The following FRMD4B variants were observed in gnomAD, a reference collection of about 807,000 sequenced individuals.
FRMD4B encodes FERM domain containing 4B, also known as FERM domain-containing protein 4B.
In FRMD4B, 74 loss-of-function variants were observed where a neutral mutation model predicts 141.5. That is an observed-to-expected ratio of 0.52 (90% CI 0.43 to 0.63). The LOEUF is 0.63. Among genes scored for constraint, FRMD4B ranks in the 30% least tolerant of loss-of-function variants. FRMD4B has a pLI of 0.00. For synonymous variants in FRMD4B, 506 were observed against 467.9 expected, an observed-to-expected ratio of 1.08 and a Z score of -1.05; for missense variants, 1,366 against 1,253.4, an observed-to-expected ratio of 1.09 and a Z score of -1.36.
At chr3:69,262,434 C>T (rs952103171) in intron 5 of FRMD4B, among the ~76,000 whole-genome samples, 1 of 142,286 alleles carries the variant, frequency 7.0e-6, no homozygotes, top group Non-Finnish European at 1.5e-5. Flanking sequence ...TTGTAATAAT[C>T]AAATACTGCA....
rs1300055565 is a variant in FRMD4B, at chr3:69,495,900, T to C, written c.-129+46306A>G. ...ATTTACTAGTAATTCACTAAACAGA[T>C]TTCCCTAATTAAAACCACTCAAACC... On this transcript the variant is annotated intron_variant, in intron 1 of 5. Transcript: ENST00000459638. 2.0e-5 allele frequency among the ~76,000 whole-genome samples: 3 copies of C among 152,306 alleles called. No individual in the cohort carries two copies. In the East Asian group the frequency reaches 5.8e-4, roughly 29 times the overall value.
At chr3:69,205,285 G>C (rs374948687) in intron 11 of FRMD4B, among the ~76,000 whole-genome samples, 52 of 151,648 alleles carry the variant, frequency 3.4e-4, no homozygotes, top group African/African-American at 1.2e-3. Context: ...CTCTGATCTC[G>C]ACCTTCTGAG....
chr3:69,337,409 G>A (rs1201369636), intron 1 of FRMD4B, among the ~76,000 whole-genome samples: 7 of 152,194 alleles, frequency 4.6e-5, no homozygotes, highest in Non-Finnish European at 8.8e-5. Context: ...AGGACTTCAT[G>A]TCTAAAACAC....
At position 69,302,390 on chromosome 3, in the gene FRMD4B, G is replaced by A. The variant is rs375661339; in HGVS notation, c.369C>T (p.His123=). ...WLQLDHRVLD[H]DLPKKPGPTI... ...TTGGGCCTGGTTTCTTGGGCAAATC[G>A]TGGTCAAGAACTCGGTGATCTAACT... The change falls in exon 4 of 23, where the codon CAC becomes CAT. Residue 123 remains histidine (H), a synonymous_variant. Transcript: ENST00000398540. The A allele has an allele frequency of 9.0e-5, 145 of 1,609,204 alleles. No homozygotes were observed. The African/African-American group carries it at 1.3e-3, about 14-fold the overall frequency.
At chr3:69,529,200 T>C (rs1374740361) in intron 1 of FRMD4B, among the ~76,000 whole-genome samples, 1 of 152,218 alleles carries the variant, frequency 6.6e-6, no homozygotes, top group Non-Finnish European at 1.5e-5. Context: ...CATGTGAGAA[T>C]GCAGCCAGTG....
chr3:69,369,057 T>C (rs1389671968), intron 1 of FRMD4B, among the ~76,000 whole-genome samples: 1 of 152,238 alleles, frequency 6.6e-6, no homozygotes, highest in Admixed American at 6.5e-5. Context: ...TTCTAAAGAA[T>C]ACACCTATTA....
At chr3:69,454,280 G>A (rs1222452583) in intron 1 of FRMD4B, among the ~76,000 whole-genome samples, 1 of 152,262 alleles carries the variant, frequency 6.6e-6, no homozygotes, top group South Asian at 2.1e-4. Flanking sequence ...GTGACAGCGT[G>A]CTGGCAGCCC....
chr3:69,386,218 TCCAC>T, upstream of FRMD4B: 1 of 454,410 alleles, frequency 2.2e-6, no homozygotes. Context: ...AAGCCCAGTG[TCCAC>T]CCCCGCCCGC....
At chr3:69,382,538 C>A (rs952082590) in intron 1 of FRMD4B, among the ~76,000 whole-genome samples, 2 of 152,112 alleles carry the variant, frequency 1.3e-5, no homozygotes, top group Non-Finnish European at 2.9e-5. Context: ...CATGTATATT[C>A]GTGCTTTATA....
chr3:69,480,626 C>T lies in FRMD4B; in HGVS notation c.-128-47865G>A, dbSNP rs569352104. On this transcript the variant is annotated intron_variant, in intron 1 of 5. Coordinates refer to the FRMD4B transcript ENST00000459638. ...GTGTCAGTCTGCCCCTACTGGGAGG[C>T]GCCTCCCAGTTAGGCTGCTCAGGGG... Among the ~76,000 whole-genome samples the T allele has an allele frequency of 4.6e-3, 690 of 151,492 alleles. 4 individuals are homozygous for T. Among genetic ancestry groups the T allele is most frequent in the African/African-American group, 0.016 (650 of 41,312 alleles).
intron 2 of FRMD4B, among the ~76,000 whole-genome samples, chr3:69,402,823 C>A (rs1057039893): frequency 6.6e-6 from 1 of 151,996 alleles, no homozygotes; most frequent in African/African-American, 2.4e-5. Flanking sequence ...TTGCACATGA[C>A]AGACAGTAAA....
At chr3:69,418,698 C>A (rs1029744951) in intron 2 of FRMD4B, among the ~76,000 whole-genome samples, 2 of 152,092 alleles carry the variant, frequency 1.3e-5, no homozygotes, top group African/African-American at 4.8e-5. Context: ...GCCAGTGAGC[C>A]TGGAAGGGAA....
intron 5 of FRMD4B, among the ~76,000 whole-genome samples, chr3:69,268,387 T>C (rs959412363): frequency 6.6e-6 from 1 of 151,874 alleles, no homozygotes; most frequent in Non-Finnish European, 1.5e-5. Flanking sequence ...AGGGAGACAA[T>C]TGGAGAACAG....
chr3:69,467,408 A>G (rs1575812664), intron 1 of FRMD4B, among the ~76,000 whole-genome samples: 1 of 152,120 alleles, frequency 6.6e-6, no homozygotes, highest in Middle Eastern at 3.2e-3. Context: ...CTAGAGTGGC[A>G]CCTCACTGTT....
intron 1 of FRMD4B, among the ~76,000 whole-genome samples, chr3:69,518,624 C>T (rs1481328240): frequency 6.6e-6 from 1 of 152,146 alleles, no homozygotes; most frequent in Non-Finnish European, 1.5e-5. Context: ...ATCTACCCTT[C>T]CAACCCCTGG....
At chr3:69,253,181 CTATTTTTTTT>C (rs1382074101) in intron 5 of FRMD4B, among the ~76,000 whole-genome samples, 1 of 121,952 alleles carries the variant, frequency 8.2e-6, no homozygotes, top group Non-Finnish European at 1.7e-5. Context: ...AATATGATTC[CTATTTTTTTT>C]TTTTTTTTTT....
chr3:69,325,420 A>G, intron 1 of FRMD4B, among the ~76,000 whole-genome samples: 1 of 152,218 alleles, frequency 6.6e-6, no homozygotes, highest in East Asian at 1.9e-4. Flanking sequence ...CTGATCTGAT[A>G]AGTCTGGTGA....
intron 11 of FRMD4B, among the ~76,000 whole-genome samples, chr3:69,207,591 C>T (rs1363393049): frequency 6.6e-6 from 1 of 152,014 alleles, no homozygotes; most frequent in Admixed American, 6.6e-5. Flanking sequence ...GGGTGGATCA[C>T]GAGGTCAAGA....
chr3:69,430,265 A>G (rs150749563), intron 2 of FRMD4B, among the ~76,000 whole-genome samples: 1 of 151,982 alleles, frequency 6.6e-6, no homozygotes, highest in East Asian at 1.9e-4. Flanking sequence ...AATCCCAGCC[A>G]CCTCCCCACA....
Sources: allele counts gnomAD v4.1 joint callset (sites outside exome capture counted in the v4.1 genomes callset), GRCh38; gene constraint gnomAD v4.1.1; transcripts MANE v1.5; gene names NCBI Gene and HGNC (gene_info 2026-07-23, HGNC 2026-07-21).